PRPF18: variants seen among roughly 807,000 people sequenced by gnomAD.
PRPF18 encodes pre-mRNA processing factor 18.
A neutral mutation model predicts 46.5 loss-of-function variants in PRPF18; 38 were observed. The observed-to-expected ratio is 0.82, with a 90% CI of 0.63 to 1.07. The LOEUF (loss-of-function observed/expected upper bound fraction) is 1.07. PRPF18 is among the 50% of genes least tolerant of loss of function. The pLI, the probability that PRPF18 is intolerant of heterozygous loss-of-function variation, is 0.00. For missense variants in PRPF18, 263 were observed against 410.0 expected (o/e 0.64, Z 3.10); for synonymous variants, 152 against 146.7 (o/e 1.04, Z -0.26).
chr10:13,654,511 A>G, the PRPF18 span: 3 of 1,604,166 alleles, frequency 1.9e-6, no homozygotes, highest in Admixed American at 1.7e-5. Context: ...GAGGTAAGGC[A>G]GCTACATGCA....
chr10:13,595,795 A>G (rs2080027606), intron 1 of PRPF18, among the ~76,000 whole-genome samples: 1 of 152,228 alleles, frequency 6.6e-6, no homozygotes, highest in Admixed American at 6.5e-5. Context: ...GGAAATGTTT[A>G]TTGAATTAAG....
rs145564040 is a variant in PRPF18 at position 13,603,898 on chromosome 10, G to A, written c.250-1733G>A. Among the ~76,000 whole-genome samples, 657 of 152,310 alleles carry A rather than the reference G, an allele frequency of 4.3e-3. 1 individual carries two copies. The highest frequency in any genetic ancestry group is 0.027 in the Middle Eastern group (8 of 294). Reference sequence around the variant, plus strand: ...GAATTTAGAATAGTGAGGCTGGAGAGAAGAATTACTAGAGATATCTTTAAA... The same window carrying A: ...GAATTTAGAATAGTGAGGCTGGAGAAAAGAATTACTAGAGATATCTTTAAA... On this transcript the variant is annotated intron_variant, in intron 3 of 9. Transcript: ENST00000378572.
At chr10:13,641,225 A>G in the PRPF18 span, 2 of 152,236 alleles carry the variant, frequency 1.3e-5, no homozygotes, top group Non-Finnish European at 2.9e-5. Context: ...GGTGTGAGGA[A>G]AGGAAAGCTG....
chr10:13,623,753 A>G (rs1247114461), intron 9 of PRPF18, among the ~76,000 whole-genome samples: 2 of 152,118 alleles, frequency 1.3e-5, no homozygotes, highest in African/African-American at 4.8e-5. Flanking sequence ...TTTTTAGTGG[A>G]TGCAGGTTGG....
At chr10:13,636,691 C>A in the PRPF18 span, among the ~76,000 whole-genome samples, 3 of 152,156 alleles carry the variant, frequency 2.0e-5, no homozygotes, top group African/African-American at 7.2e-5. Flanking sequence ...GTAACTAGCG[C>A]CCCAATCAGA....
At position 13,599,016 on chromosome 10, in the gene PRPF18, A is replaced by AT. The variant is rs1468989889; in HGVS notation, c.145-1222dup. Among the ~76,000 whole-genome samples, 6 of 152,136 alleles carry AT rather than the reference A, an allele frequency of 3.9e-5. No individual in the cohort carries two copies. In the South Asian group the frequency reaches 6.2e-4, roughly 16 times the overall value. On this transcript the variant is annotated intron_variant, in intron 2 of 9. Coordinates refer to ENST00000378572, the MANE Select transcript of PRPF18 (RefSeq NM_003675.4). ...GAGTCCAGCTCATGAAATGACTTAG[A>AT]TTTTTTCCCCAGAGCTATTAACTGC...
At position 13,587,051 on chromosome 10, in the gene PRPF18, G is replaced by A. The variant is rs889476141; in HGVS notation, c.-36G>A. On this transcript the variant is annotated 5_prime_UTR_variant, in exon 1 of 10. Coordinates refer to ENST00000378572, the MANE Select transcript of PRPF18 (RefSeq NM_003675.4). ...CCAGTGAGGCTGGGTTCGAGGAGCT[G>A]GAGCGGGAAACTGGAGCTTAAATTC... is the stretch of plus-strand genomic sequence containing the variant. The A allele has an allele frequency of 6.2e-7, 1 of 1,607,792 alleles. No individual in the cohort carries two copies. The highest frequency in any genetic ancestry group is 2.2e-5 in the East Asian group (1 of 44,846).
downstream of PRPF18, among the ~76,000 whole-genome samples, chr10:13,634,894 CTT>C (rs2080622964): frequency 6.6e-6 from 1 of 151,892 alleles, no homozygotes; most frequent in Non-Finnish European, 1.5e-5. Flanking sequence ...GAATTTCAAA[CTT>C]TTATGTTAAT....
the PRPF18 span, chr10:13,641,920 T>C: frequency 6.6e-6 from 1 of 152,222 alleles, no homozygotes; most frequent in Non-Finnish European, 1.5e-5. Flanking sequence ...GATAAAAATT[T>C]ATGAAGATAG....
chr10:13,588,248 A>G (rs1332027002), intron 1 of PRPF18, among the ~76,000 whole-genome samples: 1 of 152,068 alleles, frequency 6.6e-6, no homozygotes, highest in Non-Finnish European at 1.5e-5. Flanking sequence ...CTCTACTAAA[A>G]ACACCAAAAT....
At chr10:13,592,202 T>C in intron 1 of PRPF18, 1 of 621,090 alleles carries the variant, frequency 1.6e-6, no homozygotes, top group South Asian at 1.4e-5. Context: ...GCAATGGGGC[T>C]TCCCCTTCTT....
chr10:13,651,970 C>G, the PRPF18 span: 5 of 1,570,566 alleles, frequency 3.2e-6, no homozygotes, highest in Admixed American at 1.7e-5. Flanking sequence ...TTTTCTGTTG[C>G]TTCTCTGAAC....
chr10:13,629,092 T>C (rs1016062419), intron 9 of PRPF18, among the ~76,000 whole-genome samples: 1 of 152,194 alleles, frequency 6.6e-6, no homozygotes, highest in Non-Finnish European at 1.5e-5. Flanking sequence ...ATAGTGATAG[T>C]TGTTTTCATC....
At chr10:13,634,123 A>G (rs1223885415), downstream of PRPF18, among the ~76,000 whole-genome samples, 2 of 152,264 alleles carry the variant, frequency 1.3e-5, no homozygotes, top group Non-Finnish European at 2.9e-5. Flanking sequence ...ATTGAAAAAC[A>G]TGCTCATTTA....
At chr10:13,590,098 C>G (rs115467945) in intron 1 of PRPF18, among the ~76,000 whole-genome samples, 2,523 of 141,996 alleles carry the variant, frequency 0.018, 61 homozygotes, top group African/African-American at 0.058. Context: ...CATTGAAATG[C>G]ACCAATCTAC....
rs371269110 is a variant in PRPF18, at chr10:13,611,688, G to T, written c.579+5G>T. ...ATCATCACCAAATTCCTGAAGGTGC[G>T]TGTCTTAGGCGAGGGGATGAGGATG... On this transcript the variant is annotated splice_donor_5th_base_variant and intron_variant, in intron 6 of 9. Transcript: ENST00000378572. The T allele has an allele frequency of 6.2e-7, 1 of 1,612,520 alleles. No homozygotes were observed. The highest frequency in any genetic ancestry group is 1.7e-5 in the Admixed American group (1 of 59,986).
intron 4 of PRPF18, among the ~76,000 whole-genome samples, chr10:13,607,499 A>C (rs897735788): frequency 5.9e-5 from 9 of 151,958 alleles, no homozygotes; most frequent in African/African-American, 2.2e-4. Context: ...TGCAACCTCT[A>C]GCTCCTGGGC....
At chr10:13,608,592 A>G (rs1414883400) in intron 4 of PRPF18, among the ~76,000 whole-genome samples, 1 of 152,176 alleles carries the variant, frequency 6.6e-6, no homozygotes, top group Non-Finnish European at 1.5e-5. Flanking sequence ...TTCACATGCA[A>G]TTCAGTGACC....
At chr10:13,618,181 G>C (rs2080372364) in intron 9 of PRPF18, among the ~76,000 whole-genome samples, 1 of 152,122 alleles carries the variant, frequency 6.6e-6, no homozygotes, top group African/African-American at 2.4e-5. Flanking sequence ...TGTATGTTAA[G>C]GTGGAAAAGA....
Sources: allele counts gnomAD v4.1 joint callset (sites outside exome capture counted in the v4.1 genomes callset), GRCh38; gene constraint gnomAD v4.1.1; transcripts MANE v1.5; gene names NCBI Gene and HGNC (gene_info 2026-07-23, HGNC 2026-07-21).